CTNND2: variants seen among roughly 807,000 people sequenced by gnomAD.
CTNND2 encodes the protein catenin delta 2, also known as catenin delta-2.
A neutral mutation model predicts 144.4 loss-of-function variants in CTNND2; 22 were observed. The observed-to-expected ratio is 0.15, with a 90% CI of 0.11 to 0.22. The LOEUF (loss-of-function observed/expected upper bound fraction) is 0.22. Ranked by LOEUF, CTNND2 falls within the 10% of genes least tolerant of loss-of-function variation. The probability of loss-of-function intolerance (pLI) is 1.00; values close to 1 mark genes in which losing one functional copy is unlikely to be tolerated. For missense variants in CTNND2, 1,353 were observed against 1,618.8 expected, an observed-to-expected ratio of 0.84 and a Z score of 2.82; for synonymous variants, 751 against 695.6, an observed-to-expected ratio of 1.08 and a Z score of -1.25.
At chr5:11,010,705 T>C (rs1470308762) in intron 18 of CTNND2, among the ~76,000 whole-genome samples, 1 of 152,230 alleles carries the variant, frequency 6.6e-6, no homozygotes, top group Non-Finnish European at 1.5e-5. Context: ...AATTACTTAT[T>C]GATTTCTTGT....
At chr5:11,562,722 T>A (rs1208962139) in intron 3 of CTNND2, among the ~76,000 whole-genome samples, 1 of 152,254 alleles carries the variant, frequency 6.6e-6, no homozygotes, top group Non-Finnish European at 1.5e-5. Flanking sequence ...TGTCATGGTA[T>A]CATTTTTCTG....
In CTNND2 at chr5:11,346,410, G is replaced by C; in HGVS notation, c.1590C>G (p.Ala530=). The stretch of plus-strand genomic sequence containing the variant: ...GAATGCTATCAATGGACGGGGACCT[G>C]GCCAAGGTGCCTTCAGGCGGGAGAG... The part of the protein sequence containing the change: ...GPALPPEGTL[A]RSPSIDSIQK... The change falls in exon 9 of 22, where the codon GCC becomes GCG. Residue 530 remains alanine, a synonymous_variant. Coordinates refer to ENST00000304623, the MANE Select transcript of CTNND2 (RefSeq NM_001332.4). 1 of 1,525,786 alleles carries C rather than the reference G, an allele frequency of 6.6e-7. No homozygotes were observed. The highest frequency in any genetic ancestry group is 1.3e-5 in the South Asian group (1 of 78,798). 94.5% of individuals were successfully genotyped at this position (1,525,786 alleles called of 1,614,324 possible).
chr5:10,986,913 G>C (rs534917677), intron 20 of CTNND2, among the ~76,000 whole-genome samples: 104 of 152,330 alleles, frequency 6.8e-4, no homozygotes, highest in African/African-American at 2.4e-3. Flanking sequence ...TGTCTGCTCT[G>C]CTTCCCTGCC....
At position 11,678,062 on chromosome 5, in the gene CTNND2, G is replaced by A. The variant is rs150412306; in HGVS notation, c.174+54074C>T. Among the ~76,000 whole-genome samples the A allele has an allele frequency of 7.9e-5, 12 of 152,284 alleles. No homozygotes were observed. In the East Asian group the frequency reaches 1.7e-3, roughly 22 times the overall value. ...AAAAATATTCACTCTACCACAGACC[G>A]TGGATGGGTACAGGTGTCAGACAGA... On this transcript the variant is annotated intron_variant, in intron 2 of 21. Coordinates refer to ENST00000304623, the MANE Select transcript of CTNND2 (RefSeq NM_001332.4).
At chr5:11,647,523 C>T (rs1378754157) in intron 2 of CTNND2, among the ~76,000 whole-genome samples, 3 of 151,788 alleles carry the variant, frequency 2.0e-5, no homozygotes, top group East Asian at 2.0e-4. Context: ...TGATAGTGCC[C>T]CCCGCAAGCC....
intron 2 of CTNND2, among the ~76,000 whole-genome samples, chr5:11,573,119 GT>G (rs566725526): frequency 6.6e-4 from 101 of 152,254 alleles, no homozygotes; most frequent in Middle Eastern, 3.4e-3. Context: ...AGTCTGAGAT[GT>G]CCCCGACAAT....
intron 2 of CTNND2, among the ~76,000 whole-genome samples, chr5:11,573,934 A>G (rs1777771038): frequency 6.6e-6 from 1 of 152,194 alleles, no homozygotes; most frequent in Non-Finnish European, 1.5e-5. Context: ...ACTAGCTGAC[A>G]GGACTCCATG....
At chr5:11,419,285 T>C (rs1009465431) in intron 3 of CTNND2, among the ~76,000 whole-genome samples, 2 of 152,074 alleles carry the variant, frequency 1.3e-5, no homozygotes, top group Non-Finnish European at 2.9e-5. Context: ...ATATCTTTGA[T>C]ACTTGGAAGA....
intron 7 of CTNND2, among the ~76,000 whole-genome samples, chr5:11,382,460 G>A (rs7724620): frequency 5.9e-5 from 9 of 152,186 alleles, no homozygotes; most frequent in South Asian, 2.1e-4. Flanking sequence ...TTAGCCAGGC[G>A]TGGGGGCAGG....
intron 1 of CTNND2, among the ~76,000 whole-genome samples, chr5:11,829,792 C>A (rs1793798532): frequency 6.6e-6 from 1 of 152,206 alleles, no homozygotes; most frequent in African/African-American, 2.4e-5. Context: ...ATCCTCTAGA[C>A]CCCAGAATGG....
chr5:11,329,693 G>A (rs1752884846), intron 9 of CTNND2, among the ~76,000 whole-genome samples: 1 of 152,152 alleles, frequency 6.6e-6, no homozygotes, highest in South Asian at 2.1e-4. Flanking sequence ...AGAAGAAGGT[G>A]GTCAGAGGGA....
At chr5:11,611,753 G>A (rs1322355396) in intron 2 of CTNND2, among the ~76,000 whole-genome samples, 2 of 152,158 alleles carry the variant, frequency 1.3e-5, no homozygotes, top group Non-Finnish European at 2.9e-5. Flanking sequence ...ACTCCAGCCT[G>A]GACAACAGAG....
intron 2 of CTNND2, among the ~76,000 whole-genome samples, chr5:11,699,029 C>CAT (rs140067587): frequency 8.7e-5 from 13 of 149,160 alleles, no homozygotes; most frequent in East Asian, 2.0e-4. Flanking sequence ...TATATATATA[C>CAT]ATATATATAT....
At chr5:11,653,103 GTGT>G (rs1782730830) in intron 2 of CTNND2, among the ~76,000 whole-genome samples, 1 of 118,030 alleles carries the variant, frequency 8.5e-6, no homozygotes, top group African/African-American at 2.6e-5. Flanking sequence ...GTGTGTGTGT[GTGT>G]GTGTGTGTAA....
In CTNND2 at chr5:11,568,027, G is replaced by T. The variant is rs143237898; in HGVS notation, c.175-2971C>A. Among the ~76,000 whole-genome samples, 610 of 152,214 alleles carry T rather than the reference G, an allele frequency of 4.0e-3. 3 individuals carry two copies. Among genetic ancestry groups the T allele is most frequent in the African/African-American group, 0.014 (577 of 41,546 alleles). ...GGAGCAGAACAGCATGTAGTCTAGG[G>T]CTAATCATCCTGCCCTATGAAGGCA... On this transcript the variant is annotated intron_variant, in intron 2 of 21. Transcript: ENST00000304623.
Position 11,903,104 on chromosome 5 carries a change from G to T in CTNND2, c.37+713C>A. On this transcript the variant is annotated intron_variant, in intron 1 of 21. Transcript: ENST00000304623. This position sits in a 1 kb window ranked among gnomAD's most constrained non-coding sequence, Gnocchi z 5.4. Reference sequence around the variant, plus strand: ...AAAGAAAAAAGCAGCTTCGCTTTCAGCCATTAATTACGGATCACCCCAATT... The same window carrying T: ...AAAGAAAAAAGCAGCTTCGCTTTCATCCATTAATTACGGATCACCCCAATT... The T allele has an allele frequency of 1.3e-6, 1 of 747,636 alleles. No homozygotes were observed. The highest frequency in any genetic ancestry group is 1.6e-6 in the Non-Finnish European group (1 of 612,850). The allele number at this position is 747,636 out of a possible 1,614,324, so 46.3% of individuals were successfully genotyped here.
intron 1 of CTNND2, among the ~76,000 whole-genome samples, chr5:11,821,507 C>A (rs1355417907): frequency 6.6e-6 from 1 of 151,978 alleles, no homozygotes; most frequent in Non-Finnish European, 1.5e-5. Flanking sequence ...TATTTCAAAT[C>A]CTTCATGAAG....
intron 3 of CTNND2, among the ~76,000 whole-genome samples, chr5:11,504,297 C>T (rs80153803): frequency 0.014 from 2,139 of 152,200 alleles, 54 homozygotes; most frequent in African/African-American, 0.049. Context: ...ATGATGACGA[C>T]GATGACTCAG....
At chr5:11,437,753 T>A (rs31826) in intron 3 of CTNND2, among the ~76,000 whole-genome samples, 35,053 of 152,164 alleles carry the variant, frequency 0.23, 7,933 homozygotes, top group African/African-American at 0.59. Context: ...ATGGTCCCAG[T>A]TGATAAACTG....
Sources: allele counts gnomAD v4.1 joint callset (sites outside exome capture counted in the v4.1 genomes callset), GRCh38; gene constraint gnomAD v4.1.1; non-coding constraint Gnocchi (gnomAD v3.1); transcripts MANE v1.5; gene names NCBI Gene and HGNC (gene_info 2026-07-23, HGNC 2026-07-21).